Variants in TMEM45B observed in about 807,000 individuals in gnomAD.
TMEM45B encodes transmembrane protein 45B.
In TMEM45B, 29 loss-of-function variants were observed where a neutral mutation model predicts 27.3. That is an observed-to-expected ratio of 1.06 (90% CI 0.79 to 1.45). The LOEUF is 1.45. Ranked by LOEUF, TMEM45B falls within the 40% of genes most tolerant of loss-of-function variation. The probability of loss-of-function intolerance (pLI) is 0.00; values close to 1 mark genes in which losing one functional copy is unlikely to be tolerated. For synonymous variants in TMEM45B, 143 were observed against 134.7 expected, an observed-to-expected ratio of 1.06 and a Z score of -0.43; for missense variants, 348 against 343.9, an observed-to-expected ratio of 1.01 and a Z score of -0.09.
chr11:129,857,120 G>A (rs891138581), intron 4 of TMEM45B, among the ~76,000 whole-genome samples, 193 bp from the exon 5 acceptor site: 1 of 152,094 alleles, frequency 6.6e-6, no homozygotes, highest in African/African-American at 2.4e-5. Context: ...CCGAAGTGCT[G>A]GTATTACAGA....
At chr11:129,852,737 G>A (rs2135600044) in intron 2 of TMEM45B, 77 bp downstream of exon 2, 2 of 1,472,448 alleles carry the variant, frequency 1.4e-6, no homozygotes, top group Middle Eastern at 5.1e-4. Context: ...TGAGCCCTGT[G>A]AAATAGATGT....
intron 1 of TMEM45B, among the ~76,000 whole-genome samples, chr11:129,841,669 TC>T (rs1297875663): frequency 6.8e-6 from 1 of 147,730 alleles, no homozygotes; most frequent in Non-Finnish European, 1.5e-5. Flanking sequence ...TGATCTCAGC[TC>T]ACTGCAACTT....
intron 1 of TMEM45B, among the ~76,000 whole-genome samples, chr11:129,817,548 C>T (rs1298270101): frequency 6.6e-6 from 1 of 152,188 alleles, no homozygotes; most frequent in African/African-American, 2.4e-5. Flanking sequence ...TTACAGGAGC[C>T]AAGCATTCCA....
chr11:129,854,940 G>A, intron 3 of TMEM45B, 124 bp downstream of exon 3: 1 of 1,182,458 alleles, frequency 8.5e-7, no homozygotes, highest in Middle Eastern at 2.7e-4. Flanking sequence ...CCACATCTCT[G>A]GACTGCCAAA....
intron 1 of TMEM45B, among the ~76,000 whole-genome samples, chr11:129,820,159 C>CA (rs1415876802): frequency 6.6e-6 from 1 of 151,848 alleles, no homozygotes; most frequent in Non-Finnish European, 1.5e-5. Flanking sequence ...ACTAAAAACA[C>CA]AAAAAATCAG....
intron 1 of TMEM45B, among the ~76,000 whole-genome samples, chr11:129,819,208 T>A (rs1201082592): frequency 2.0e-5 from 3 of 152,258 alleles, no homozygotes; most frequent in Non-Finnish European, 4.4e-5. Context: ...ATAGCAGGCA[T>A]ACATAAAATG....
chr11:129,852,769 G>A, intron 2 of TMEM45B, 109 bp downstream of exon 2: 1 of 1,226,262 alleles, frequency 8.2e-7, no homozygotes, highest in Non-Finnish European at 1.1e-6. Flanking sequence ...GAGATAATAG[G>A]GCAACAATTT....
chr11:129,822,873 C>A (rs1374508724), intron 1 of TMEM45B, among the ~76,000 whole-genome samples: 2 of 144,934 alleles, frequency 1.4e-5, no homozygotes, highest in Non-Finnish European at 3.0e-5. Context: ...CAGAGTCTCA[C>A]TCTGTGGCCC....
At chr11:129,840,884 A>G (rs1467916247) in intron 1 of TMEM45B, among the ~76,000 whole-genome samples, 1 of 150,158 alleles carries the variant, frequency 6.7e-6, no homozygotes, top group African/African-American at 2.4e-5. Context: ...ATCTCAAAAA[A>G]TAATAACGAG....
intron 1 of TMEM45B, 117 bp downstream of exon 1, chr11:129,816,015 C>G: frequency 8.2e-7 from 1 of 1,224,844 alleles, no homozygotes; most frequent in Non-Finnish European, 1.0e-6. Flanking sequence ...AGGGGACCTG[C>G]GGGGGAGGGG....
intron 1 of TMEM45B, among the ~76,000 whole-genome samples, chr11:129,837,963 G>A (rs1168742332): frequency 2.0e-5 from 3 of 151,444 alleles, no homozygotes; most frequent in Non-Finnish European, 2.9e-5. Context: ...TGCATTTTTA[G>A]TATAGATGGG....
chr11:129,852,607 A>T lies in TMEM45B; in HGVS notation c.125A>T (p.Tyr42Phe). The change falls in exon 2 of 6, where the codon TAT (tyrosine) becomes TTT (phenylalanine). Residue 42 changes from tyrosine (Y) to phenylalanine (F), a missense_variant. Tyr to Phe is a conservative substitution (Grantham distance 22). Transcript: ENST00000281441. Reference sequence around the variant, plus strand: ...CGGAAGAACAGCCCACTACATTACTATCAGCGTCTCGAGATCGTCGAAGCC... The same window carrying T: ...CGGAAGAACAGCCCACTACATTACTTTCAGCGTCTCGAGATCGTCGAAGCC... ...HTRKNSPLHY[Y>F]QRLEIVEAAI... 6.2e-7 allele frequency: 1 copy of T among 1,612,918 alleles called. No individual in the cohort carries two copies. Among genetic ancestry groups the T allele is most frequent in the Non-Finnish European group, 8.5e-7 (1 of 1,179,002 alleles).
intron 1 of TMEM45B, among the ~76,000 whole-genome samples, chr11:129,843,142 T>C (rs1466693769): frequency 1.3e-5 from 2 of 152,196 alleles, no homozygotes; most frequent in Non-Finnish European, 2.9e-5. Context: ...AGTTTTGCCA[T>C]GTTGGCCAGG....
chr11:129,843,564 A>G (rs1947722017), intron 1 of TMEM45B, among the ~76,000 whole-genome samples: 1 of 151,794 alleles, frequency 6.6e-6, no homozygotes, highest in South Asian at 2.1e-4. Context: ...TTGTTATAGC[A>G]TTGTAGTCAA....
At chr11:129,850,002 A>T (rs1220078362) in intron 1 of TMEM45B, among the ~76,000 whole-genome samples, 1 of 152,120 alleles carries the variant, frequency 6.6e-6, no homozygotes, top group African/African-American at 2.4e-5. Flanking sequence ...TAACCTGCTT[A>T]TCAGTCCTGT....
chr11:129,849,291 A>T (rs1947811293), intron 1 of TMEM45B, among the ~76,000 whole-genome samples: 2 of 152,226 alleles, frequency 1.3e-5, no homozygotes, highest in South Asian at 4.1e-4. Context: ...CACAGGACAG[A>T]TGTTTCTAGT....
chr11:129,819,930 G>C (rs1947398254), intron 1 of TMEM45B, among the ~76,000 whole-genome samples: 1 of 152,088 alleles, frequency 6.6e-6, no homozygotes. Context: ...ACATGTCATT[G>C]GCCAGAACCA....
At chr11:129,841,922 A>G (rs569217380) in intron 1 of TMEM45B, among the ~76,000 whole-genome samples, 2 of 152,126 alleles carry the variant, frequency 1.3e-5, no homozygotes, top group Non-Finnish European at 2.9e-5. Context: ...AAAACTGTTC[A>G]AGGAATTAAA....
At chr11:129,842,546 T>C (rs1254045528) in intron 1 of TMEM45B, among the ~76,000 whole-genome samples, 1 of 152,096 alleles carries the variant, frequency 6.6e-6, no homozygotes, top group African/African-American at 2.4e-5. Context: ...GAGGAAAGAA[T>C]AGTATCTTCA....
Sources: gnomAD v4.1 joint callset for allele counts (sites outside exome capture counted in the v4.1 genomes callset) on GRCh38, gnomAD v4.1.1 for gene constraint, MANE v1.5 for transcripts, NCBI Gene and HGNC (gene_info 2026-07-23, HGNC 2026-07-21) for gene names.